ASMTL: variants seen among roughly 807,000 people sequenced by gnomAD.
The protein encoded by ASMTL is acetylserotonin O-methyltransferase like.
ASMTL carries 57 observed loss-of-function variants against 60.3 expected under a neutral mutation model. The ratio of observed to expected loss-of-function variants is 0.95; its 90% CI spans 0.76 to 1.18. The LOEUF is 1.18. ASMTL is among the 50% of genes most tolerant of loss of function. ASMTL has a pLI of 0.00. For missense variants in ASMTL, 981 were observed against 852.6 expected (o/e 1.15, Z -1.88); for synonymous variants, 419 against 373.0 (o/e 1.12, Z -1.42).
intron 10 of ASMTL, among the ~76,000 whole-genome samples, chrX:1,418,326 T>C (rs1171083701): frequency 1.3e-5 from 2 of 152,064 alleles, no homozygotes; most frequent in African/African-American, 4.8e-5. Flanking sequence ...AGGGAAATCC[T>C]TCCAGCCCAG....
Position 1,421,796 on chromosome X carries a change from G to A in ASMTL, c.1107C>T (p.Gly369=), listed in dbSNP as rs183660220. Residue 369 remains glycine (G), a synonymous_variant, in exon 9 of 13, where the codon GGC becomes GGT. Coordinates refer to ENST00000381317, the MANE Select transcript of ASMTL (RefSeq NM_004192.4). The part of the protein sequence containing the change: ...ETANVYLASD[G]EYSLHGFIMH... ...TGATGAAGCCGTGCAGAGAGTATTCGCCATCCGATGCCAGGTAGACGTTCG... is the reference window on the plus strand; with the variant it reads ...TGATGAAGCCGTGCAGAGAGTATTCACCATCCGATGCCAGGTAGACGTTCG... The A allele has an allele frequency of 1.2e-4, 189 of 1,613,666 alleles. No homozygotes were observed. In the African/African-American group the frequency reaches 1.7e-3, roughly 14 times the overall value.
chrX:1,452,709 CGTCCCCG>C, intron 1 of ASMTL, 32 bp downstream of exon 1: 3 of 1,529,140 alleles, frequency 2.0e-6, no homozygotes, highest in Non-Finnish European at 2.6e-6. Flanking sequence ...TCAGCCCCTC[CGTCCCCG>C]GTCCCCTGCC....
rs1372201666 is a variant in ASMTL, at chrX:1,423,077, C to T, written c.1061-1235G>A. On this transcript the variant is annotated intron_variant, in intron 8 of 12. Coordinates refer to ENST00000381317, the MANE Select transcript of ASMTL (RefSeq NM_004192.4). ...ATGCCATTGTCCTCCCTCAGCCTCC[C>T]GAGTAGCTGGGACTACAGGCACCCG... Among the ~76,000 whole-genome samples the T allele has an allele frequency of 5.3e-5, 8 of 152,206 alleles. No individual in the cohort carries two copies. In the East Asian group the frequency reaches 5.8e-4, roughly 11 times the overall value.
chrX:1,423,668 C>T (rs1305276079), intron 8 of ASMTL, among the ~76,000 whole-genome samples: 12 of 151,466 alleles, frequency 7.9e-5, no homozygotes, highest in Admixed American at 4.6e-4. Flanking sequence ...TCCAATCCAC[C>T]GATCCACCCA....
chrX:1,443,256 CCGCCG>C (rs1361534258), intron 1 of ASMTL, among the ~76,000 whole-genome samples: 11 of 956 alleles, frequency 0.012, no homozygotes, highest in African/African-American at 0.013. Context: ...TGGACACACG[CCGCCG>C]TCTTGGACAC....
intron 1 of ASMTL, among the ~76,000 whole-genome samples, chrX:1,447,673 T>C (rs1406089765): frequency 2.0e-5 from 3 of 150,200 alleles, no homozygotes; most frequent in Admixed American, 2.0e-4. Flanking sequence ...CACCGCCATC[T>C]TGGAGAAGCA....
At chrX:1,414,795 G>A (rs143573164) in intron 11 of ASMTL, among the ~76,000 whole-genome samples, 4,030 of 152,216 alleles carry the variant, frequency 0.026, 186 homozygotes, top group African/African-American at 0.093. Context: ...AGGAGCTGTA[G>A]GGTGGTTGCG....
intron 12 of ASMTL, among the ~76,000 whole-genome samples, chrX:1,404,796 T>C (rs376116003): frequency 1.7e-4 from 24 of 140,534 alleles, no homozygotes; most frequent in Middle Eastern, 4.7e-3. Flanking sequence ...TATATGGATG[T>C]ATGGATGAGA....
At chrX:1,419,924 C>T (rs2090427825) in intron 9 of ASMTL, among the ~76,000 whole-genome samples, 1 of 152,076 alleles carries the variant, frequency 6.6e-6, no homozygotes. Flanking sequence ...CTGACTCTTT[C>T]TCCCTTGGTC....
At position 1,423,398 on chromosome X, in the gene ASMTL, TCA is replaced by T. The variant is rs1294242442; in HGVS notation, c.1061-1558_1061-1557del. Among the ~76,000 whole-genome samples the T allele has an allele frequency of 3.9e-5, 6 of 152,102 alleles. No individual in the cohort carries two copies. The East Asian group carries it at 1.2e-3, about 29-fold the overall frequency. On this transcript the variant is annotated intron_variant, in intron 8 of 12. Coordinates refer to ENST00000381317, the MANE Select transcript of ASMTL (RefSeq NM_004192.4). ...AACCAGGGCATGCTTTGTCTCCTAA[TCA>T]CAGAAGCACAGCCACCTCTGCCCAG...
At chrX:1,413,802 G>A (rs1477624397) in intron 11 of ASMTL, 1 of 152,354 alleles carries the variant, frequency 6.6e-6, no homozygotes, top group Admixed American at 6.6e-5. Context: ...AGGCCACGTG[G>A]AGACGGAGGC....
chrX:1,411,642 G>C (rs2149270951), intron 12 of ASMTL, among the ~76,000 whole-genome samples: 1 of 38,384 alleles, frequency 2.6e-5, no homozygotes, highest in African/African-American at 1.4e-4. Context: ...GTCCACTCAT[G>C]CGTGGATTTC....
In ASMTL at chrX:1,412,787, C is replaced by G. The variant is rs1404532222; in HGVS notation, c.1590G>C (p.Trp530Cys). ...GTAACTTGTGGACTTTGTCGTCTGG[C>G]CAGTCATGCAGGATCCGGCACAGGA... is the stretch of plus-strand genomic sequence containing the variant. ...LYVLCRILHD[W>C]PDDKVHKLLS... The change falls in exon 12 of 13, where the codon TGG becomes TGC. Residue 530 changes from tryptophan to cysteine, a missense_variant. Transcript: ENST00000381317. The G allele has an allele frequency of 6.2e-7, 1 of 1,613,982 alleles. No homozygotes were observed.
At chrX:1,452,124 C>T (rs1368314306) in intron 1 of ASMTL, among the ~76,000 whole-genome samples, 3 of 143,550 alleles carry the variant, frequency 2.1e-5, no homozygotes, top group Admixed American at 6.9e-5. Flanking sequence ...TCCTGGGTCA[C>T]TCTCCCCAAC....
rs199614418 is a variant in ASMTL at position 1,403,431 on chromosome X, G to T, written c.1704C>A (p.Arg568=). ...GCATGTTCAGTGACTGCATCAGGGC[G>T]CGCTGCGCCACCCTCTTCTCCTCAT... ...LLDEEKRVAQ[R]ALMQSLNMLV... is the part of the protein sequence containing the mutation. The change falls in exon 13 of 13, where the codon CGC becomes CGA. Residue 568 remains arginine (R), a synonymous_variant. Coordinates refer to ENST00000381317, the MANE Select transcript of ASMTL (RefSeq NM_004192.4). 3.7e-6 allele frequency: 6 copies of T among 1,613,250 alleles called. No homozygotes were observed. The highest frequency in any genetic ancestry group is 5.1e-6 in the Non-Finnish European group (6 of 1,179,856).
intron 6 of ASMTL, among the ~76,000 whole-genome samples, chrX:1,428,401 G>A (rs1442880450): frequency 1.3e-5 from 2 of 151,792 alleles, no homozygotes; most frequent in Non-Finnish European, 1.5e-5. Context: ...CAGCACTTTG[G>A]GAGGCCGAGA....
rs113035785 is a variant in ASMTL at position 1,421,960 on chromosome X, C to T, written c.1061-118G>A. 1,327 of 959,984 alleles carry T rather than the reference C, an allele frequency of 1.4e-3. 10 individuals are homozygous for T. In the African/African-American group the frequency reaches 0.019, roughly 14 times the overall value. 59.5% of individuals were successfully genotyped at this position (959,984 alleles called of 1,614,324 possible). On this transcript the variant is annotated intron_variant, in intron 8 of 12. Coordinates refer to ENST00000381317, the MANE Select transcript of ASMTL (RefSeq NM_004192.4). ...CATCACCCATCTGACTATAGCAAAC[C>T]GTACACTCAAGGAAACCTGACCATA...
At chrX:1,442,960 G>A (rs1298258423) in intron 1 of ASMTL, among the ~76,000 whole-genome samples, 1 of 146,630 alleles carries the variant, frequency 6.8e-6, no homozygotes, top group Non-Finnish European at 1.5e-5. Flanking sequence ...TCTCCCCTCT[G>A]ACCATCTCCC....
At chrX:1,420,702 G>A (rs1477382766) in intron 9 of ASMTL, among the ~76,000 whole-genome samples, 10 of 152,250 alleles carry the variant, frequency 6.6e-5, no homozygotes, top group African/African-American at 1.7e-4. Flanking sequence ...TGCAGGGAGC[G>A]CTTTGCAAAC....
Sources: allele counts gnomAD v4.1 joint callset (sites outside exome capture counted in the v4.1 genomes callset), GRCh38; gene constraint gnomAD v4.1.1; transcripts MANE v1.5; gene names NCBI Gene and HGNC (gene_info 2026-07-23, HGNC 2026-07-21).